Variants in ZFX observed in about 807,000 individuals in gnomAD.
The protein encoded by ZFX is zinc finger protein X-linked, also known as zinc finger X-chromosomal protein.
For missense variants in ZFX, 362 were observed against 628.3 expected, an observed-to-expected ratio of 0.58 and a Z score of 4.53; for synonymous variants, 196 against 226.8, an observed-to-expected ratio of 0.86 and a Z score of 1.22.
At chrX:24,209,155 T>G in intron 9 of ZFX, 115 bp downstream of exon 9, 1 of 1,023,175 alleles carries the variant, frequency 9.8e-7, no homozygotes, top group Non-Finnish European at 1.3e-6. Context: ...CATATATAGC[T>G]TTGTCTATTG....
chrX:24,165,277 C>T (rs766825951), intron 3 of ZFX, among the ~76,000 whole-genome samples: 11 of 112,095 alleles, frequency 9.8e-5, no homozygotes, highest in South Asian at 7.4e-4. Flanking sequence ...CGTGCCACCA[C>T]GCCTGGCTAA....
intron 3 of ZFX, among the ~76,000 whole-genome samples, chrX:24,155,776 G>A (rs1222519514): frequency 8.9e-6 from 1 of 112,617 alleles, no homozygotes; most frequent in African/African-American, 3.2e-5. Flanking sequence ...TAGTGAGGTT[G>A]ACCTTTTTTC....
chrX:24,184,344 C>T (rs1047062926), intron 5 of ZFX, among the ~76,000 whole-genome samples: 3 of 111,554 alleles, frequency 2.7e-5, no homozygotes, highest in Non-Finnish European at 5.6e-5. Context: ...TTCTCCTTGA[C>T]TTCTCTCTGC....
At chrX:24,173,434 A>G (rs1377058023) in intron 4 of ZFX, among the ~76,000 whole-genome samples, 1 of 111,774 alleles carries the variant, frequency 8.9e-6, no homozygotes, top group Non-Finnish European at 1.9e-5. Context: ...CTTCTGCTTC[A>G]GGAAGATGGA....
At position 24,182,767 on chromosome X, in the gene ZFX, GAAA is replaced by G. The variant is rs200764687; in HGVS notation, c.646+3005_646+3007del. Among the ~76,000 whole-genome samples, 330 of 108,229 alleles carry G rather than the reference GAAA, an allele frequency of 3.0e-3. 2 individuals carry two copies. Among genetic ancestry groups the G allele is most frequent in the African/African-American group, 0.01 (304 of 29,859 alleles). The allele number at this position is 108,229 out of a possible 115,157, so 94.0% of individuals were successfully genotyped here. A position where few individuals can be genotyped will look rare whatever the true frequency, so the allele number is the denominator to read the frequency against. ...GTTGAACATGTTTATAGACTTAAGG[GAAA>G]AAAAAAATCACTGGACAGAGAGAAC... On this transcript the variant is annotated intron_variant, in intron 5 of 9. Coordinates refer to ENST00000304543, the MANE Select transcript of ZFX (RefSeq NM_003410.4).
Position 24,158,218 on chromosome X carries a change from A to T in ZFX, c.-29+5388A>T, listed in dbSNP as rs369630862. 9.0e-5 allele frequency among the ~76,000 whole-genome samples: 10 copies of T among 111,302 alleles called. No homozygotes were observed. In the East Asian group the frequency reaches 2.8e-3, roughly 31 times the overall value. On this transcript the variant is annotated intron_variant, in intron 3 of 9. Coordinates refer to ENST00000304543, the MANE Select transcript of ZFX (RefSeq NM_003410.4). ...TCTTAGTCATGTAAAATAAGGGTAC[A>T]GCTTACAATTGGTATCTTCAGAGTC...
At chrX:24,204,903 A>G (rs747080366) in intron 5 of ZFX, among the ~76,000 whole-genome samples, 1 of 112,243 alleles carries the variant, frequency 8.9e-6, no homozygotes, top group South Asian at 3.7e-4. Flanking sequence ...TATTATTACT[A>G]CATTTAAAAA....
chrX:24,209,032 A>G lies in ZFX; in HGVS notation c.1226A>G (p.Tyr409Cys), dbSNP rs1227918649. The G allele has an allele frequency of 8.3e-7, 1 of 1,211,704 alleles. No individual in the cohort carries two copies. The highest frequency in any genetic ancestry group is 1.1e-6 in the Non-Finnish European group (1 of 895,536). ...KKRRRPDSRQ[Y>C]QTAIIIGPDG... ...AGGAGAAGACCTGATTCCAGGCAGT[A>G]CCAAACAGGTGAGGGCGCACGAGTT... Residue 409 changes from tyrosine to cysteine, a missense_variant, in exon 9 of 10, where the codon TAC (tyrosine) becomes TGC (cysteine). Physicochemically the swap from Tyr to Cys is radical, Grantham distance 194 (BLOSUM62 -2). Transcript: ENST00000304543.
intron 5 of ZFX, among the ~76,000 whole-genome samples, chrX:24,181,249 C>T (rs1436731778): frequency 1.8e-5 from 2 of 112,278 alleles, no homozygotes; most frequent in African/African-American, 6.5e-5. Context: ...TCATTCAACA[C>T]GTTTATTGGA....
chrX:24,172,609 A>C, intron 3 of ZFX, 106 bp from the exon 4 acceptor site: 1 of 534,549 alleles, frequency 1.9e-6, no homozygotes, highest in South Asian at 6.1e-5. Flanking sequence ...ATACACATTT[A>C]TCTTTCACAT....
At chrX:24,176,040 CTTTT>C (rs760962081) in intron 4 of ZFX, among the ~76,000 whole-genome samples, 1 of 95,830 alleles carries the variant, frequency 1.0e-5, no homozygotes, top group African/African-American at 3.8e-5. Flanking sequence ...TGAACATACT[CTTTT>C]TTTTTTTTTT....
intron 5 of ZFX, among the ~76,000 whole-genome samples, chrX:24,203,604 G>A (rs757987189): frequency 1.8e-5 from 2 of 112,453 alleles, no homozygotes; most frequent in African/African-American, 6.4e-5. Context: ...GGATAAAGTC[G>A]GAGCCCTTCT....
chrX:24,187,024 C>T (rs1345330865), intron 5 of ZFX, among the ~76,000 whole-genome samples: 1 of 112,045 alleles, frequency 8.9e-6, no homozygotes, highest in Non-Finnish European at 1.9e-5. Context: ...GCTATTGTCT[C>T]TTGATAAAAA....
chrX:24,216,203 A>G lies in ZFX; in HGVS notation c.*4827A>G, dbSNP rs1430849134. The G allele has an allele frequency of 4.5e-5, 5 of 111,797 alleles. No homozygotes were observed. Among genetic ancestry groups the G allele is most frequent in the East Asian group, 5.6e-4 (2 of 3,591 alleles). 9.2% of individuals were successfully genotyped at this position (111,797 alleles called of 1,213,427 possible). On this transcript the variant is annotated 3_prime_UTR_variant, in exon 10 of 10. Coordinates refer to ENST00000304543, the MANE Select transcript of ZFX (RefSeq NM_003410.4). ...AGCTGGAGGTGATTCGACTCCCTTC[A>G]GTGGTTCAACACTAATAATAGCACC...
chrX:24,149,275 CGGGGG>C (rs1201919133), upstream of ZFX: 2 of 109,405 alleles, frequency 1.8e-5, no homozygotes, highest in African/African-American at 6.6e-5. Context: ...GGGAGGCCCC[CGGGGG>C]GCGGCCGCGG....
chrX:24,172,937 A>C, intron 4 of ZFX, 137 bp downstream of exon 4: 1 of 569,882 alleles, frequency 1.8e-6, no homozygotes, highest in Non-Finnish European at 2.6e-6. Context: ...TGTTACGGTG[A>C]GCACATTATT....
intron 9 of ZFX, among the ~76,000 whole-genome samples, chrX:24,209,861 G>C (rs1937939528): frequency 8.9e-6 from 1 of 111,977 alleles, no homozygotes; most frequent in Non-Finnish European, 1.9e-5. Context: ...GATTACAGGC[G>C]TGAGCCACCG....
intron 5 of ZFX, among the ~76,000 whole-genome samples, chrX:24,185,285 C>T (rs188808855): frequency 9.0e-6 from 1 of 111,083 alleles, no homozygotes; most frequent in East Asian, 2.8e-4. Flanking sequence ...CTTTTGCACT[C>T]TTACTTCCCT....
At chrX:24,164,170 T>C (rs887521724) in intron 3 of ZFX, among the ~76,000 whole-genome samples, 3 of 111,154 alleles carry the variant, frequency 2.7e-5, no homozygotes, top group Non-Finnish European at 5.7e-5. Context: ...TAATGGTTGC[T>C]GATACTCAAC....
Sources: gnomAD v4.1 joint callset for allele counts (sites outside exome capture counted in the v4.1 genomes callset) on GRCh38, gnomAD v4.1.1 for gene constraint, MANE v1.5 for transcripts, NCBI Gene and HGNC (gene_info 2026-07-23, HGNC 2026-07-21) for gene names.